Variants in PEX14 observed in about 807,000 individuals in gnomAD.
PEX14 encodes the protein peroxisomal biogenesis factor 14.
PEX14 carries 15 observed loss-of-function variants against 49.5 expected under a neutral mutation model. That is an observed-to-expected ratio of 0.30 (90% CI 0.20 to 0.47). PEX14 has a LOEUF of 0.47. Among genes scored for constraint, PEX14 ranks in the 20% least tolerant of loss-of-function variants. The probability of loss-of-function intolerance (pLI) is 1.00; values close to 1 mark genes in which losing one functional copy is unlikely to be tolerated. For synonymous variants in PEX14, 210 were observed against 212.7 expected (o/e 0.99, Z 0.11); for missense variants, 398 against 494.8 (o/e 0.80, Z 1.86).
At chr1:10,604,846 G>C (rs368414495) in intron 4 of PEX14, among the ~76,000 whole-genome samples, 1 of 152,152 alleles carries the variant, frequency 6.6e-6, no homozygotes, top group African/African-American at 2.4e-5. Context: ...CTCAGCAGGT[G>C]CCATGAGGTT....
chr1:10,533,145 C>A (rs1638697395), intron 2 of PEX14, among the ~76,000 whole-genome samples: 1 of 151,946 alleles, frequency 6.6e-6, no homozygotes, highest in Non-Finnish European at 1.5e-5. Context: ...TTCACACTTA[C>A]ATGTAGCCAC....
At chr1:10,591,363 C>CT (rs74598451) in intron 3 of PEX14, among the ~76,000 whole-genome samples, 15,284 of 152,116 alleles carry the variant, frequency 0.1, 928 homozygotes, top group East Asian at 0.21. Flanking sequence ...CTAGACTTGG[C>CT]TTGTATCTTC....
rs982777340 is a variant in PEX14 at position 10,514,842 on chromosome 1, A to G, written c.84+19521A>G. Among the ~76,000 whole-genome samples the G allele has an allele frequency of 6.6e-6, 1 of 152,212 alleles. No homozygotes were observed. The highest frequency in any genetic ancestry group is 1.5e-5 in the Non-Finnish European group (1 of 68,036). On this transcript the variant is annotated intron_variant, in intron 2 of 8. Coordinates refer to ENST00000356607, the MANE Select transcript of PEX14 (RefSeq NM_004565.3). The surrounding 1 kb of genome is among the most constrained non-coding windows in gnomAD (Gnocchi z 4.4). ...TGTACTGATTGCGATCTGTTCTGCT[A>G]TCACCTGCAGTGCATCTAGATGAGA...
intron 2 of PEX14, among the ~76,000 whole-genome samples, chr1:10,508,214 GT>G (rs1047958380): frequency 1.3e-5 from 2 of 148,896 alleles, no homozygotes; most frequent in East Asian, 2.0e-4. Context: ...TTTTGTTTTT[GT>G]TTTTTTTTTG....
chr1:10,623,694 G>T lies in PEX14; in HGVS notation c.487+573G>T, dbSNP rs185705294. 1.3e-4 allele frequency among the ~76,000 whole-genome samples: 20 copies of T among 152,348 alleles called. No individual in the cohort carries two copies. The highest frequency in any genetic ancestry group is 1.1e-3 in the Admixed American group (17 of 15,296). ...ATCTAAAAACCAGAGCAAGGCCAAT[G>T]AGAGAGCCACCTGTCCCAGGCAGGA... On this transcript the variant is annotated intron_variant, in intron 6 of 8. Transcript: ENST00000356607. This position sits in a 1 kb window ranked among gnomAD's most constrained non-coding sequence, Gnocchi z 4.4.
intron 1 of PEX14, among the ~76,000 whole-genome samples, chr1:10,492,516 T>C (rs887937053): frequency 1.3e-5 from 2 of 152,166 alleles, no homozygotes; most frequent in East Asian, 1.9e-4. Context: ...CATGGGCAAG[T>C]TATTTAACCT....
intron 2 of PEX14, among the ~76,000 whole-genome samples, chr1:10,532,624 C>T (rs968818152): frequency 6.6e-6 from 1 of 152,184 alleles, no homozygotes; most frequent in African/African-American, 2.4e-5. Context: ...ACTCCCACAA[C>T]ATGTGCAATA....
rs371495361 is a variant in PEX14, at chr1:10,478,359, C to T, written c.36+3357C>T. Among the ~76,000 whole-genome samples, 22 of 152,268 alleles carry T rather than the reference C, an allele frequency of 1.4e-4. No homozygotes were observed. In the East Asian group the frequency reaches 2.1e-3, roughly 15 times the overall value. On this transcript the variant is annotated intron_variant, in intron 1 of 8. Transcript: ENST00000356607. ...TGGGGTATGATTTTTCATGTGTTGACTACTTGTCTAGTAAAGTTCTTTTAT... is the reference window on the plus strand; with the variant it reads ...TGGGGTATGATTTTTCATGTGTTGATTACTTGTCTAGTAAAGTTCTTTTAT...
Position 10,542,853 on chromosome 1 carries a change from A to G in PEX14, c.169+6556A>G, listed in dbSNP as rs148157247. ...TTCTGCTGTCTCAAGCAATGGCCCA[A>G]TGAATATTCTTGTCGTATACATTGT... On this transcript the variant is annotated intron_variant, in intron 3 of 8. Coordinates refer to ENST00000356607, the MANE Select transcript of PEX14 (RefSeq NM_004565.3). Among the ~76,000 whole-genome samples the G allele has an allele frequency of 3.1e-3, 478 of 152,292 alleles. 4 individuals carry two copies. The highest frequency in any genetic ancestry group is 0.019 in the East Asian group (99 of 5,184).
chr1:10,557,258 G>C (rs188351339), intron 3 of PEX14, among the ~76,000 whole-genome samples: 1 of 152,264 alleles, frequency 6.6e-6, no homozygotes, highest in Non-Finnish European at 1.5e-5. Context: ...TGGGAAATAG[G>C]TATTACTTTT....
intron 1 of PEX14, among the ~76,000 whole-genome samples, chr1:10,484,029 T>G (rs1464021633): frequency 8.1e-6 from 1 of 122,844 alleles, no homozygotes; most frequent in Non-Finnish European, 1.6e-5. Context: ...ATGAATTACC[T>G]TTTTTTTTTT....
At chr1:10,600,089 A>T (rs1397357779) in intron 4 of PEX14, among the ~76,000 whole-genome samples, 2 of 152,222 alleles carry the variant, frequency 1.3e-5, no homozygotes, top group African/African-American at 4.8e-5. Flanking sequence ...TTGACTACAA[A>T]GTTATGGAAA....
intron 2 of PEX14, among the ~76,000 whole-genome samples, chr1:10,526,951 A>C (rs1292322687): frequency 2.0e-5 from 3 of 152,082 alleles, no homozygotes; most frequent in Non-Finnish European, 4.4e-5. Context: ...GGTGGCCCAC[A>C]CCTGTAAATC....
At chr1:10,579,260 A>G (rs903042695) in intron 3 of PEX14, among the ~76,000 whole-genome samples, 2 of 152,202 alleles carry the variant, frequency 1.3e-5, no homozygotes, top group Admixed American at 1.3e-4. Flanking sequence ...GCGAAAGAAA[A>G]AAGACACTTT....
At chr1:10,618,306 A>G (rs1557432912) in intron 4 of PEX14, 26 bp from the exon 5 acceptor site, 1 of 1,602,670 alleles carries the variant, frequency 6.2e-7, no homozygotes, top group East Asian at 2.2e-5. Context: ...TGCGTCTTCT[A>G]ACCCTCCTCC....
chr1:10,500,645 G>A (rs879663084), intron 2 of PEX14, among the ~76,000 whole-genome samples: 3 of 152,026 alleles, frequency 2.0e-5, no homozygotes, highest in African/African-American at 2.4e-5. Context: ...TGCAATCTCC[G>A]CTCACTGCAA....
intron 3 of PEX14, among the ~76,000 whole-genome samples, chr1:10,585,256 GAT>G (rs1239321189): frequency 6.6e-6 from 1 of 152,138 alleles, no homozygotes; most frequent in Non-Finnish European, 1.5e-5. Context: ...TGAAAGAAAA[GAT>G]AGTAACTTTG....
At chr1:10,568,330 C>T (rs879649223) in intron 3 of PEX14, among the ~76,000 whole-genome samples, 1 of 140,122 alleles carries the variant, frequency 7.1e-6, no homozygotes, top group African/African-American at 2.8e-5. Flanking sequence ...TCTTCCCCCC[C>T]CCCCCCCCAC....
intron 4 of PEX14, among the ~76,000 whole-genome samples, chr1:10,607,603 A>G (rs1035538166): frequency 2.0e-5 from 3 of 152,050 alleles, no homozygotes; most frequent in African/African-American, 7.2e-5. Context: ...CTGGTATCTC[A>G]TGGTGGTTTG....
Sources: gnomAD v4.1 joint callset for allele counts (sites outside exome capture counted in the v4.1 genomes callset) on GRCh38, gnomAD v4.1.1 for gene constraint, Gnocchi (gnomAD v3.1) non-coding constraint, MANE v1.5 for transcripts, NCBI Gene and HGNC (gene_info 2026-07-23, HGNC 2026-07-21) for gene names.